ZBTB44: variants seen among roughly 807,000 people sequenced by gnomAD.
The protein encoded by ZBTB44 is zinc finger and BTB domain containing 44, also known as zinc finger and BTB domain-containing protein 44.
ZBTB44 carries 15 observed loss-of-function variants against 54.0 expected under a neutral mutation model. The observed-to-expected ratio is 0.28, with a 90% CI of 0.19 to 0.43. ZBTB44 has a LOEUF of 0.43. Ranked by LOEUF, ZBTB44 falls within the 20% of genes least tolerant of loss-of-function variation. The pLI is 1.00. For missense variants in ZBTB44, 487 were observed against 707.1 expected (o/e 0.69, Z 3.53); for synonymous variants, 230 against 250.1 (o/e 0.92, Z 0.76).
chr11:130,272,137 CAGG>C (rs1939717714), intron 1 of ZBTB44, among the ~76,000 whole-genome samples: 1 of 151,810 alleles, frequency 6.6e-6, no homozygotes, highest in African/African-American at 2.4e-5. Flanking sequence ...GAGGCTGAGG[CAGG>C]AGAATAGCTT....
chr11:130,296,050 G>T, intron 1 of ZBTB44: 1 of 1,584,120 alleles, frequency 6.3e-7, no homozygotes, highest in Non-Finnish European at 8.7e-7. Context: ...TATTGATGAA[G>T]CTGATCGTAT....
intron 1 of ZBTB44, among the ~76,000 whole-genome samples, chr11:130,263,540 T>C (rs1565661444): frequency 6.6e-6 from 1 of 152,184 alleles, no homozygotes; most frequent in African/African-American, 2.4e-5. Context: ...ACCATCTGCA[T>C]GAACAAAGGT....
In ZBTB44 at chr11:130,261,321, T is replaced by C. The variant is rs17857365; in HGVS notation, c.553A>G (p.Lys185Glu). 6.2e-7 allele frequency: 1 copy of C among 1,613,952 alleles called. No individual in the cohort carries two copies. The highest frequency in any genetic ancestry group is 2.2e-5 in the East Asian group (1 of 44,878). Residue 185 changes from lysine (K) to glutamate (E), a missense_variant, in exon 2 of 8, where the codon AAA becomes GAA. By Grantham distance (56) the Lys-to-Glu change is moderately conservative. Around this residue, in one of 3 missense-constraint regions of ZBTB44, gnomAD observed 277 missense variants for 306.5 expected, o/e 0.90. Transcript: ENST00000357899. The surrounding 1 kb of genome is among the most constrained non-coding windows in gnomAD (Gnocchi z 4.8). ...TCAGGAGACATAACAATGTAGCTTT[T>C]GCGCTTTCTCCGGGATTCTCGGCAG... ...PVCRESRRKR[K>E]SYIVMSPESP...
In ZBTB44 at chr11:130,239,908, A is replaced by G. The variant is rs1382226549; in HGVS notation, c.1019-12T>C. 1 of 1,601,124 alleles carries G rather than the reference A, an allele frequency of 6.2e-7. No individual in the cohort carries two copies. The highest frequency in any genetic ancestry group is 2.2e-5 in the East Asian group (1 of 44,718). On this transcript the variant is annotated splice_polypyrimidine_tract_variant and intron_variant, in intron 2 of 7. Coordinates refer to ENST00000357899, the MANE Select transcript of ZBTB44 (RefSeq NM_001301098.2). ...TTCATCTACTGAGCCTGTGAATAAG[A>G]GAAAGAGGACCACTGTAATCCTTTG...
intron 1 of ZBTB44, among the ~76,000 whole-genome samples, chr11:130,306,250 C>T (rs1942257892): frequency 6.6e-6 from 1 of 152,114 alleles, no homozygotes; most frequent in South Asian, 2.1e-4. Context: ...CACTTGTAAT[C>T]CCAGCACTTT....
At chr11:130,265,547 G>C (rs942126339) in intron 1 of ZBTB44, among the ~76,000 whole-genome samples, 29 of 152,296 alleles carry the variant, frequency 1.9e-4, no homozygotes, top group African/African-American at 6.3e-4. Context: ...AGAGCTGAGA[G>C]AGCCTGAAAG....
intron 1 of ZBTB44, among the ~76,000 whole-genome samples, chr11:130,264,264 T>G (rs1256172499): frequency 1.3e-5 from 2 of 152,304 alleles, no homozygotes; most frequent in East Asian, 3.9e-4. Context: ...CTACTAACAT[T>G]GCTATCAAAG....
intron 2 of ZBTB44, among the ~76,000 whole-genome samples, chr11:130,249,835 T>C (rs917851814): frequency 1.1e-4 from 17 of 152,130 alleles, no homozygotes; most frequent in African/African-American, 4.1e-4. Flanking sequence ...GGGCGGCTGT[T>C]TGGGCAGACA....
At chr11:130,254,735 A>G (rs1651217030) in intron 2 of ZBTB44, among the ~76,000 whole-genome samples, 1 of 152,240 alleles carries the variant, frequency 6.6e-6, no homozygotes, top group African/African-American at 2.4e-5. Flanking sequence ...GTATATACCC[A>G]AAGGATTATA....
chr11:130,291,283 C>T (rs1019090589), intron 1 of ZBTB44, among the ~76,000 whole-genome samples: 5 of 151,984 alleles, frequency 3.3e-5, no homozygotes, highest in East Asian at 1.9e-4. Flanking sequence ...GGATTATAGG[C>T]GCGTGCCACC....
intron 1 of ZBTB44, among the ~76,000 whole-genome samples, chr11:130,280,893 A>G (rs961665067): frequency 6.6e-6 from 1 of 152,072 alleles, no homozygotes; most frequent in Non-Finnish European, 1.5e-5. Context: ...CTTTTAATAT[A>G]ATGTTTAATA....
chr11:130,295,956 C>G (rs1192516006), intron 1 of ZBTB44: 2 of 1,532,576 alleles, frequency 1.3e-6, no homozygotes, highest in African/African-American at 1.4e-5. Context: ...ATGGGATCAA[C>G]ATCACTGTGG....
chr11:130,236,127 G>C (rs1565642806), intron 5 of ZBTB44: 1 of 1,286,332 alleles, frequency 7.8e-7, no homozygotes, highest in Non-Finnish European at 1.0e-6. Context: ...CTTTCTCTAA[G>C]TTTCAAGCTT....
chr11:130,256,200 T>A (rs538113905), intron 2 of ZBTB44, among the ~76,000 whole-genome samples: 1 of 152,254 alleles, frequency 6.6e-6, no homozygotes, highest in African/African-American at 2.4e-5. Flanking sequence ...CTCAATAAAA[T>A]ACTGACAAAC....
chr11:130,252,652 G>T (rs1318472244), intron 2 of ZBTB44, among the ~76,000 whole-genome samples: 1 of 152,056 alleles, frequency 6.6e-6, no homozygotes, highest in Non-Finnish European at 1.5e-5. Flanking sequence ...AGAGGAGCTG[G>T]TACCATTCCT....
chr11:130,311,029 G>A (rs1942567101), intron 1 of ZBTB44, among the ~76,000 whole-genome samples: 1 of 152,130 alleles, frequency 6.6e-6, no homozygotes, highest in African/African-American at 2.4e-5. Context: ...CATAACCAGA[G>A]AAAAGTATTT....
intron 2 of ZBTB44, among the ~76,000 whole-genome samples, chr11:130,253,237 G>T (rs1938162577): frequency 6.6e-6 from 1 of 152,260 alleles, no homozygotes; most frequent in Non-Finnish European, 1.5e-5. Context: ...GCAGGAGAAA[G>T]AAATAAAGGG....
chr11:130,257,759 T>A (rs1938559754), intron 2 of ZBTB44, among the ~76,000 whole-genome samples: 1 of 152,218 alleles, frequency 6.6e-6, no homozygotes, highest in Non-Finnish European at 1.5e-5. Flanking sequence ...TCTTCCCGGT[T>A]CTCCAATATT....
chr11:130,237,758 A>G (rs751839111), intron 4 of ZBTB44, among the ~76,000 whole-genome samples: 3 of 152,214 alleles, frequency 2.0e-5, no homozygotes, highest in Non-Finnish European at 4.4e-5. Flanking sequence ...GTGCTAGGAC[A>G]GGGACTGTAA....
Sources: allele counts gnomAD v4.1 joint callset (sites outside exome capture counted in the v4.1 genomes callset), GRCh38; gene constraint gnomAD v4.1.1; regional missense constraint gnomAD v4.1.1; non-coding constraint Gnocchi (gnomAD v3.1); transcripts MANE v1.5; gene names NCBI Gene and HGNC (gene_info 2026-07-23, HGNC 2026-07-21).